The following CNKSR3 variants were observed in gnomAD, a reference collection of about 807,000 sequenced individuals.
The protein encoded by CNKSR3 is connector enhancer of kinase suppressor of ras 3.
In CNKSR3, 36 loss-of-function variants were observed where a neutral mutation model predicts 67.7. The observed-to-expected ratio is 0.53, with a 90% CI of 0.41 to 0.70. CNKSR3 has a LOEUF of 0.70. CNKSR3 is among the 30% of genes least tolerant of loss of function. The pLI, the probability that CNKSR3 is intolerant of heterozygous loss-of-function variation, is 0.00. For missense variants in CNKSR3, 630 were observed against 695.2 expected (o/e 0.91, Z 1.05); for synonymous variants, 281 against 271.4 (o/e 1.04, Z -0.35).
intron 1 of CNKSR3, among the ~76,000 whole-genome samples, chr6:154,500,274 C>A (rs1300338562): frequency 6.6e-6 from 1 of 151,998 alleles, no homozygotes; most frequent in Non-Finnish European, 1.5e-5. Context: ...CACACACACA[C>A]ACACACACAC....
intron 4 of CNKSR3, among the ~76,000 whole-genome samples, chr6:154,439,357 G>A (rs998459349): frequency 6.6e-6 from 1 of 152,036 alleles, no homozygotes; most frequent in African/African-American, 2.4e-5. Flanking sequence ...AAATACCTCG[G>A]AAGCCAACAT....
intron 9 of CNKSR3, among the ~76,000 whole-genome samples, chr6:154,417,338 T>G (rs1215322441): frequency 6.6e-6 from 1 of 152,198 alleles, no homozygotes; most frequent in Non-Finnish European, 1.5e-5. Flanking sequence ...AGAGCTGGGA[T>G]CTGAACTGAA....
chr6:154,441,669 T>A (rs1462304575), intron 3 of CNKSR3, among the ~76,000 whole-genome samples: 1 of 152,118 alleles, frequency 6.6e-6, no homozygotes, highest in Non-Finnish European at 1.5e-5. Context: ...TTAAATTAGT[T>A]TTTATTTAAC....
chr6:154,429,245 A>T (rs1475132901), intron 6 of CNKSR3, among the ~76,000 whole-genome samples: 2 of 151,980 alleles, frequency 1.3e-5, no homozygotes, highest in African/African-American at 4.8e-5. Context: ...AATAATGTGG[A>T]CCCTCCTCAG....
Position 154,406,394 on chromosome 6 carries a change from A to G in CNKSR3, c.1628T>C (p.Leu543Pro). Reference sequence around the variant, plus strand: ...TTTGAGGCGCGTAAACCAGCTGACCAGGAGGGACGGTTCTGTGGACGAGGA... The same window carrying G: ...TTTGAGGCGCGTAAACCAGCTGACCGGGAGGGACGGTTCTGTGGACGAGGA... Reference protein sequence around the residue: ...TKSSSTEPSLLVSWFTRLKLL... With the variant: ...TKSSSTEPSLPVSWFTRLKLL... The change falls in exon 13 of 13, where the codon CTG becomes CCG. Residue 543 changes from leucine (L) to proline (P), a missense_variant. Leu to Pro is a moderately conservative substitution (Grantham distance 98). This residue lies in a region of CNKSR3 where 308 missense variants were observed against 299.6 expected (regional missense o/e 1.03). Coordinates refer to ENST00000607772, the MANE Select transcript of CNKSR3 (RefSeq NM_173515.4). 2 of 1,614,122 alleles carry G rather than the reference A, an allele frequency of 1.2e-6. No individual in the cohort carries two copies. The highest frequency in any genetic ancestry group is 1.7e-6 in the Non-Finnish European group (2 of 1,180,018).
rs367903500 is a variant in CNKSR3, at chr6:154,397,287, T to C, written c.*9067A>G. On this transcript the variant is annotated 3_prime_UTR_variant, in exon 13 of 13. Transcript: ENST00000607772. ...AAGGGTAGCACTTTCTAGTAAAACA[T>C]AGTACTCTAAACACGGTTAGCTTAC... 2 of 152,232 alleles carry C rather than the reference T, an allele frequency of 1.3e-5. No homozygotes were observed. The highest frequency in any genetic ancestry group is 2.4e-5 in the African/African-American group (1 of 41,456). The allele number at this position is 152,232 out of a possible 1,614,324, so 9.4% of individuals were successfully genotyped here. A position where few individuals can be genotyped will look rare whatever the true frequency, so the allele number is the denominator to read the frequency against.
At chr6:154,436,882 A>C (rs556955250) in intron 4 of CNKSR3, among the ~76,000 whole-genome samples, 2 of 152,326 alleles carry the variant, frequency 1.3e-5, no homozygotes, top group African/African-American at 4.8e-5. Context: ...AAAAATGTTA[A>C]GAAATGAAGA....
At chr6:154,458,979 A>G (rs968322368) in intron 1 of CNKSR3, among the ~76,000 whole-genome samples, 15 of 152,164 alleles carry the variant, frequency 9.9e-5, no homozygotes, top group Non-Finnish European at 1.6e-4. Flanking sequence ...TTTACTTACA[A>G]GAGCAGAGAA....
At chr6:154,456,735 A>G (rs917881009) in intron 1 of CNKSR3, among the ~76,000 whole-genome samples, 5 of 135,428 alleles carry the variant, frequency 3.7e-5, no homozygotes, top group Non-Finnish European at 7.9e-5. Flanking sequence ...AAAAAAAAAA[A>G]GTGACATGTG....
At chr6:154,426,655 C>T (rs773762857) in intron 7 of CNKSR3, among the ~76,000 whole-genome samples, 22 of 152,074 alleles carry the variant, frequency 1.4e-4, no homozygotes, top group Non-Finnish European at 2.5e-4. Flanking sequence ...GCACCCGGCC[C>T]GTCTTTTCTT....
At chr6:154,459,510 T>C (rs7746074) in intron 1 of CNKSR3, among the ~76,000 whole-genome samples, 101,334 of 152,082 alleles carry the variant, frequency 0.67, 34,109 homozygotes, top group East Asian at 0.91. Context: ...AAAGCTGATC[T>C]ACACATTGCT....
chr6:154,500,444 T>C (rs1051707206), intron 1 of CNKSR3, among the ~76,000 whole-genome samples: 6 of 152,162 alleles, frequency 3.9e-5, no homozygotes, highest in Non-Finnish European at 7.4e-5. Flanking sequence ...ACGTAGGGGT[T>C]TTCCTCTGAT....
At position 154,399,543 on chromosome 6, in the gene CNKSR3, A is replaced by T. The variant is rs1490472643; in HGVS notation, c.*6811T>A. Reference sequence around the variant, plus strand: ...CAAAGTGAGACAGCTGGATGATCCAACTTCAAAAGCTGAGCCCCCGCCTGC... The same window carrying T: ...CAAAGTGAGACAGCTGGATGATCCATCTTCAAAAGCTGAGCCCCCGCCTGC... On this transcript the variant is annotated 3_prime_UTR_variant, in exon 13 of 13. Transcript: ENST00000607772. 6.6e-6 allele frequency: 1 copy of T among 152,052 alleles called. No individual in the cohort carries two copies. The highest frequency in any genetic ancestry group is 1.5e-5 in the Non-Finnish European group (1 of 68,024). 9.4% of individuals were successfully genotyped at this position (152,052 alleles called of 1,614,324 possible). A position where few individuals can be genotyped will look rare whatever the true frequency, so the allele number is the denominator to read the frequency against.
chr6:154,460,122 C>T (rs775125569), intron 1 of CNKSR3, among the ~76,000 whole-genome samples: 54 of 151,958 alleles, frequency 3.6e-4, no homozygotes, highest in Non-Finnish European at 6.8e-4. Context: ...CAGGGACAGG[C>T]GAAAGAACAG....
chr6:154,489,349 G>A (rs1419932792), intron 1 of CNKSR3, among the ~76,000 whole-genome samples: 2 of 152,116 alleles, frequency 1.3e-5, no homozygotes, highest in Non-Finnish European at 2.9e-5. Flanking sequence ...TTGGTAACAC[G>A]GTGAAACCAC....
At chr6:154,461,557 C>T (rs1786079681) in intron 1 of CNKSR3, among the ~76,000 whole-genome samples, 1 of 152,204 alleles carries the variant, frequency 6.6e-6, no homozygotes, top group Non-Finnish European at 1.5e-5. Flanking sequence ...TGACCTTGTG[C>T]AAATTACTTA....
At chr6:154,407,882 A>AAC (rs1554230761) in intron 12 of CNKSR3, among the ~76,000 whole-genome samples, 1 of 150,936 alleles carries the variant, frequency 6.6e-6, no homozygotes, top group African/African-American at 2.4e-5. Flanking sequence ...GAAAAAAAAA[A>AAC]AAAAAAAAAA....
At chr6:154,470,188 CTTTTTTTTTTTTTTTTTTTTT>C (rs869154714) in intron 1 of CNKSR3, among the ~76,000 whole-genome samples, 2 of 68,750 alleles carry the variant, frequency 2.9e-5, no homozygotes, top group East Asian at 4.8e-4. Flanking sequence ...ACTTTCTTTC[CTTTTTTTTTTTTTTTTTTTTT>C]TTTTTTTTTG....
rs541089259 is a variant in CNKSR3 at position 154,502,358 on chromosome 6, A to ATT, written c.52+7703_52+7704dup. 2.1e-3 allele frequency among the ~76,000 whole-genome samples: 290 copies of ATT among 141,316 alleles called. 1 individual carries two copies. Among genetic ancestry groups the ATT allele is most frequent in the African/African-American group, 5.2e-3 (199 of 38,234 alleles). 92.7% of individuals were successfully genotyped at this position (141,316 alleles called of 152,430 possible). On this transcript the variant is annotated intron_variant, in intron 1 of 12. Transcript: ENST00000607772. ...AGGTGCCCACCACCATGCCCAGCTA[A>ATT]TTTTTTTTTTTTTTTTTTAGTAGAG...
Sources: gnomAD v4.1 joint callset for allele counts (sites outside exome capture counted in the v4.1 genomes callset) on GRCh38, gnomAD v4.1.1 for gene constraint, gnomAD v4.1.1 regional missense constraint, MANE v1.5 for transcripts, NCBI Gene and HGNC (gene_info 2026-07-23, HGNC 2026-07-21) for gene names.